The following FNBP1L variants were observed in gnomAD, a reference collection of about 807,000 sequenced individuals.
The protein encoded by FNBP1L is formin-binding protein 1-like.
Under a neutral mutation model 91.2 loss-of-function variants are expected in FNBP1L, and 36 were observed. The ratio of observed to expected loss-of-function variants is 0.39; its 90% confidence interval spans 0.30 to 0.52. The LOEUF is 0.52. Among genes scored for constraint, FNBP1L ranks in the 20% least tolerant of loss-of-function variants. The pLI is 0.66. For synonymous variants in FNBP1L, 242 were observed against 237.0 expected, an observed-to-expected ratio of 1.02 and a Z score of -0.19; for missense variants, 571 against 732.1, an observed-to-expected ratio of 0.78 and a Z score of 2.54.
At chr1:93,523,224 G>A (rs1429969133) in intron 3 of FNBP1L, 120 bp from the exon 4 acceptor site, 1 of 933,736 alleles carries the variant, frequency 1.1e-6, no homozygotes, top group African/African-American at 1.7e-5. Context: ...TTTAGAACTA[G>A]TAGCTGAGAT....
At position 93,448,138 on chromosome 1, in the gene FNBP1L, C is replaced by T; in HGVS notation, c.-144C>T. 1.9e-6 allele frequency: 2 copies of T among 1,055,658 alleles called. No homozygotes were observed. The highest frequency in any genetic ancestry group is 1.3e-6 in the Non-Finnish European group (1 of 741,722). The allele number at this position is 1,055,658 out of a possible 1,614,324, so 65.4% of individuals were successfully genotyped here. ...TCTCCAGTCGCGTCTTTCTCACTCA[C>T]TGGGGAGCCCGGCGGTGGCGGCACC... is the stretch of plus-strand genomic sequence containing the variant. On this transcript the variant is annotated 5_prime_UTR_variant, in exon 1 of 17. Coordinates refer to ENST00000271234, the MANE Select transcript of FNBP1L (RefSeq NM_001164473.3).
intron 2 of FNBP1L, among the ~76,000 whole-genome samples, chr1:93,503,290 C>G (rs1462254434): frequency 6.6e-6 from 1 of 152,084 alleles, no homozygotes; most frequent in Admixed American, 6.6e-5. Flanking sequence ...TGAGAACTAA[C>G]TCACTGTTGT....
In FNBP1L at chr1:93,554,456, A is replaced by T. The variant is rs1215126076; in HGVS notation, c.*2040A>T. The T allele has an allele frequency of 2.0e-5, 3 of 152,802 alleles. No individual in the cohort carries two copies. Among genetic ancestry groups the T allele is most frequent in the South Asian group, 4.1e-4 (2 of 4,832 alleles). The allele number at this position is 152,802 out of a possible 1,614,324, so 9.5% of individuals were successfully genotyped here. A position where few individuals can be genotyped will look rare whatever the true frequency, so the allele number is the denominator to read the frequency against. On this transcript the variant is annotated 3_prime_UTR_variant, in exon 17 of 17. Coordinates refer to ENST00000271234, the MANE Select transcript of FNBP1L (RefSeq NM_001164473.3). ...TGCAACCTGTATATGGGTTATTATA[A>T]TAGGAAAGACATTTGTACTTGCACA...
chr1:93,468,946 C>G (rs1473914340), intron 1 of FNBP1L, among the ~76,000 whole-genome samples: 3 of 152,108 alleles, frequency 2.0e-5, no homozygotes, highest in African/African-American at 7.2e-5. Context: ...TTATAGCCAT[C>G]ATAATTAGAT....
intron 2 of FNBP1L, among the ~76,000 whole-genome samples, chr1:93,518,935 T>C (rs1671225031): frequency 1.3e-5 from 2 of 152,244 alleles, no homozygotes; most frequent in South Asian, 4.1e-4. Context: ...TAGTGAATTA[T>C]TCTGTTGATC....
chr1:93,453,806 G>A (rs2101681252), intron 1 of FNBP1L, among the ~76,000 whole-genome samples: 1 of 152,322 alleles, frequency 6.6e-6, no homozygotes, highest in Admixed American at 6.5e-5. Context: ...CAGGACTGAT[G>A]CTTGTTCATT....
chr1:93,500,788 A>G (rs1279099065), intron 2 of FNBP1L, among the ~76,000 whole-genome samples: 2 of 152,326 alleles, frequency 1.3e-5, no homozygotes, highest in Non-Finnish European at 2.9e-5. Flanking sequence ...GACTAGAGTA[A>G]TAAAAAGCTT....
intron 1 of FNBP1L, among the ~76,000 whole-genome samples, chr1:93,492,753 C>T (rs533842961): frequency 1.3e-5 from 2 of 151,826 alleles, no homozygotes; most frequent in African/African-American, 4.8e-5. Flanking sequence ...GGTGCCACTA[C>T]ATTCCTGGGT....
intron 1 of FNBP1L, among the ~76,000 whole-genome samples, chr1:93,458,199 A>C (rs1361813659): frequency 1.3e-5 from 2 of 152,202 alleles, no homozygotes; most frequent in Non-Finnish European, 2.9e-5. Context: ...AGCATCTTCT[A>C]CTAGTATCTT....
At chr1:93,547,192 T>C (rs898306728) in intron 13 of FNBP1L, among the ~76,000 whole-genome samples, 155 bp from the exon 14 acceptor site, 1 of 152,324 alleles carries the variant, frequency 6.6e-6, no homozygotes, top group Admixed American at 6.5e-5. Flanking sequence ...TTGAATCAGC[T>C]ATAAAGTTGA....
intron 1 of FNBP1L, among the ~76,000 whole-genome samples, chr1:93,495,366 C>A (rs1383689830): frequency 2.0e-5 from 3 of 152,074 alleles, no homozygotes; most frequent in Non-Finnish European, 4.4e-5. Context: ...AAGATTTATT[C>A]TTAACAGTAA....
In FNBP1L at chr1:93,551,854, T is replaced by C. The variant is rs564956271; in HGVS notation, c.1811-555T>C. ...TCCTTCCAAACTAATCTCATACTTT[T>C]GTATGTTTCATCTTGAAAATATCTT... On this transcript the variant is annotated intron_variant, in intron 16 of 16. Transcript: ENST00000271234. 20 of 985,388 alleles carry C rather than the reference T, an allele frequency of 2.0e-5. No individual in the cohort carries two copies. The African/African-American group carries it at 3.1e-4, about 15-fold the overall frequency. The allele number at this position is 985,388 out of a possible 1,614,324, so 61.0% of individuals were successfully genotyped here. A position where few individuals can be genotyped will look rare whatever the true frequency, so the allele number is the denominator to read the frequency against.
chr1:93,489,026 T>A lies in FNBP1L; in HGVS notation c.25-10442T>A, dbSNP rs145023191. 1.9e-3 allele frequency among the ~76,000 whole-genome samples: 291 copies of A among 152,232 alleles called. 2 individuals carry two copies. Among genetic ancestry groups the A allele is most frequent in the African/African-American group, 6.7e-3 (280 of 41,542 alleles). On this transcript the variant is annotated intron_variant, in intron 1 of 16. Transcript: ENST00000271234. Reference sequence around the variant, plus strand: ...GCTAGGATAATGAAGTAGTGAATGGTTTTGAGCTAAGTAGTATTAAAGTCC... The same window carrying A: ...GCTAGGATAATGAAGTAGTGAATGGATTTGAGCTAAGTAGTATTAAAGTCC...
At chr1:93,514,588 G>A (rs1397549325) in intron 2 of FNBP1L, among the ~76,000 whole-genome samples, 3 of 152,164 alleles carry the variant, frequency 2.0e-5, no homozygotes, top group East Asian at 1.9e-4. Context: ...CAATGGAACA[G>A]AACAGAGCCC....
chr1:93,552,212 G>A, intron 16 of FNBP1L, 197 bp from the exon 17 acceptor site: 1 of 1,369,412 alleles, frequency 7.3e-7, no homozygotes, highest in African/African-American at 1.5e-5. Context: ...TGAGTCAGTG[G>A]TGTGGGGAAG....
intron 5 of FNBP1L, among the ~76,000 whole-genome samples, chr1:93,526,013 G>A (rs1052997629): frequency 7.2e-5 from 11 of 152,104 alleles, no homozygotes; most frequent in Admixed American, 5.9e-4. Context: ...AAATAATTGC[G>A]AGGTGATGTA....
chr1:93,489,474 T>C (rs1213119763), intron 1 of FNBP1L, among the ~76,000 whole-genome samples: 4 of 152,036 alleles, frequency 2.6e-5, no homozygotes, highest in African/African-American at 9.7e-5. Flanking sequence ...TCCTACTTCA[T>C]AAGGCAGTTA....
chr1:93,531,920 C>A (rs3767966), intron 7 of FNBP1L, among the ~76,000 whole-genome samples: 15,342 of 147,856 alleles, frequency 0.1, 1,115 homozygotes, highest in East Asian at 0.32. Context: ...TAGGATATGT[C>A]AAAAAAAAAA....
intron 1 of FNBP1L, among the ~76,000 whole-genome samples, chr1:93,480,981 G>T (rs566650784): frequency 2.2e-4 from 34 of 152,070 alleles, no homozygotes; most frequent in Middle Eastern, 3.4e-3. Flanking sequence ...TAATGGTTCG[G>T]GTAGAATTAT....
Sources: allele counts gnomAD v4.1 joint callset (sites outside exome capture counted in the v4.1 genomes callset), GRCh38; gene constraint gnomAD v4.1.1; transcripts MANE v1.5; gene names NCBI Gene and HGNC (gene_info 2026-07-23, HGNC 2026-07-21).